Variants in STOX2 observed in about 807,000 individuals in gnomAD.
STOX2 encodes the protein storkhead box 2.
Under a neutral mutation model 60.9 loss-of-function variants are expected in STOX2, and 28 were observed. The observed-to-expected ratio is 0.46, with a 90% CI of 0.34 to 0.63. The LOEUF is 0.63. STOX2 is among the 30% of genes least tolerant of loss of function. The pLI is 0.01. For missense variants in STOX2, 1,024 were observed against 1,187.7 expected (o/e 0.86, Z 2.03); for synonymous variants, 472 against 463.9 (o/e 1.02, Z -0.22).
chr4:183,824,899 C>T (rs1370481913), intron 1 of STOX2, among the ~76,000 whole-genome samples: 2 of 152,106 alleles, frequency 1.3e-5, no homozygotes, highest in Non-Finnish European at 2.9e-5. Context: ...GCTGTGAGCT[C>T]GTGAAGAGAG....
At chr4:183,951,662 G>T (rs918512117) in intron 1 of STOX2, among the ~76,000 whole-genome samples, 1 of 151,878 alleles carries the variant, frequency 6.6e-6, no homozygotes, top group African/African-American at 2.4e-5. Flanking sequence ...GTGAGTGGTC[G>T]GGTGCGGTGG....
chr4:183,932,031 G>A (rs1448871467), intron 1 of STOX2, among the ~76,000 whole-genome samples: 1 of 152,092 alleles, frequency 6.6e-6, no homozygotes, highest in East Asian at 1.9e-4. Flanking sequence ...GGTGATGATG[G>A]TGGAGAGGCT....
At chr4:183,888,314 G>T (rs1191220282) in intron 1 of STOX2, among the ~76,000 whole-genome samples, 3 of 152,144 alleles carry the variant, frequency 2.0e-5, no homozygotes, top group East Asian at 1.9e-4. Flanking sequence ...AGTTCACATG[G>T]ATTCACTTAT....
intron 1 of STOX2, among the ~76,000 whole-genome samples, chr4:183,983,530 TC>T (rs1209239212): frequency 6.6e-6 from 1 of 152,192 alleles, no homozygotes; most frequent in African/African-American, 2.4e-5. Flanking sequence ...AGGAAGAGAA[TC>T]TTGACACCGC....
At chr4:183,852,570 A>G (rs1740180674) in intron 1 of STOX2, among the ~76,000 whole-genome samples, 1 of 151,958 alleles carries the variant, frequency 6.6e-6, no homozygotes, top group Non-Finnish European at 1.5e-5. Flanking sequence ...AGAAAGGATG[A>G]GGGAAAGGAT....
intron 1 of STOX2, among the ~76,000 whole-genome samples, chr4:183,916,495 T>TA (rs1298634464): frequency 6.6e-6 from 1 of 152,186 alleles, no homozygotes; most frequent in African/African-American, 2.4e-5. Context: ...TAATGGTACC[T>TA]ACCCCTTGGG....
At chr4:183,977,546 C>CGTGTGT (rs56043761) in intron 1 of STOX2, among the ~76,000 whole-genome samples, 2 of 147,794 alleles carry the variant, frequency 1.4e-5, no homozygotes, top group Admixed American at 6.7e-5. Context: ...CATTCCATTT[C>CGTGTGT]GTGTGTGTGT....
intron 1 of STOX2, among the ~76,000 whole-genome samples, chr4:183,800,488 T>C (rs1187276395): frequency 6.6e-6 from 1 of 152,252 alleles, no homozygotes; most frequent in African/African-American, 2.4e-5. Context: ...TCCCTTTCAA[T>C]TGACCCCCAT....
intron 1 of STOX2, among the ~76,000 whole-genome samples, chr4:183,992,161 G>C (rs1411616770): frequency 6.6e-6 from 1 of 152,182 alleles, no homozygotes; most frequent in Admixed American, 6.5e-5. Context: ...TCGGTTTTAG[G>C]GGGGTTGGTT....
upstream of STOX2, among the ~76,000 whole-genome samples, chr4:183,901,321 A>T (rs1741453790): frequency 6.6e-6 from 1 of 152,210 alleles, no homozygotes; most frequent in Non-Finnish European, 1.5e-5. Context: ...CTCAATGGGT[A>T]CTTGGGTTGC....
chr4:183,958,177 G>A (rs909313726), intron 1 of STOX2, among the ~76,000 whole-genome samples: 1 of 152,268 alleles, frequency 6.6e-6, no homozygotes, highest in African/African-American at 2.4e-5. Flanking sequence ...TTCTTTCAGG[G>A]GGAATGGTAG....
At chr4:183,908,957 A>T (rs1206760924) in intron 1 of STOX2, among the ~76,000 whole-genome samples, 1 of 152,190 alleles carries the variant, frequency 6.6e-6, no homozygotes, top group Non-Finnish European at 1.5e-5. Context: ...ATGGGGTTAT[A>T]GGGTTGGATA....
intron 1 of STOX2, among the ~76,000 whole-genome samples, chr4:183,975,417 C>A (rs1017329247): frequency 2.0e-5 from 3 of 152,010 alleles, no homozygotes; most frequent in Non-Finnish European, 4.4e-5. Flanking sequence ...TTAAGTATAT[C>A]AAGAGCTGAT....
Position 184,011,487 on chromosome 4 carries a change from A to G in STOX2, c.2585+64A>G. On this transcript the variant is annotated intron_variant, in intron 3 of 3. Transcript: ENST00000308497. This position sits in a 1 kb window ranked among gnomAD's most constrained non-coding sequence, Gnocchi z 4.4. ...CGGGGCCTGGGGCTTTATGCACGTA[A>G]CTTGACAAGTTTCTGATTTCGTAGT... 2.5e-6 allele frequency: 4 copies of G among 1,586,712 alleles called. No homozygotes were observed. The highest frequency in any genetic ancestry group is 2.6e-6 in the Non-Finnish European group (3 of 1,164,188).
At chr4:183,812,804 G>T (rs995715343) in intron 1 of STOX2, among the ~76,000 whole-genome samples, 1 of 152,188 alleles carries the variant, frequency 6.6e-6, no homozygotes, top group Non-Finnish European at 1.5e-5. Context: ...GAACTCTAAT[G>T]AATGAATGCA....
intron 1 of STOX2, among the ~76,000 whole-genome samples, chr4:183,951,146 T>G (rs371975189): frequency 1.1e-4 from 16 of 140,964 alleles, no homozygotes; most frequent in South Asian, 4.5e-4. Flanking sequence ...ACCCGGGAGG[T>G]GGAGCTTGCA....
chr4:183,829,841 T>A (rs952050941), intron 1 of STOX2, among the ~76,000 whole-genome samples: 1 of 152,158 alleles, frequency 6.6e-6, no homozygotes, highest in African/African-American at 2.4e-5. Context: ...GTAATTCTCC[T>A]CTCCTGGCCA....
At chr4:184,003,896 TCTTTC>T (rs2111231260) in intron 2 of STOX2, among the ~76,000 whole-genome samples, 1 of 152,248 alleles carries the variant, frequency 6.6e-6, no homozygotes, top group African/African-American at 2.4e-5. Flanking sequence ...CTGCCTGCCT[TCTTTC>T]CTTTCTTCTT....
chr4:183,961,121 G>A (rs1042853774), intron 1 of STOX2, among the ~76,000 whole-genome samples: 2 of 152,082 alleles, frequency 1.3e-5, no homozygotes, highest in Non-Finnish European at 2.9e-5. Flanking sequence ...GAAAGGTTAA[G>A]GCAGTGTCTC....
Sources: gnomAD v4.1 joint callset for allele counts (sites outside exome capture counted in the v4.1 genomes callset) on GRCh38, gnomAD v4.1.1 for gene constraint, Gnocchi (gnomAD v3.1) non-coding constraint, MANE v1.5 for transcripts, NCBI Gene and HGNC (gene_info 2026-07-23, HGNC 2026-07-21) for gene names.